ZNF169: variants seen among roughly 807,000 people sequenced by gnomAD.
ZNF169 encodes zinc finger protein 169.
Under a neutral mutation model 12.0 loss-of-function variants are expected in ZNF169, and 11 were observed. That is an observed-to-expected ratio of 0.92 (90% confidence interval 0.58 to 1.52). ZNF169 has a LOEUF of 1.52. ZNF169 is among the 40% of genes most tolerant of loss of function. The probability of loss-of-function intolerance (pLI) is 0.00; values close to 1 mark genes in which losing one functional copy is unlikely to be tolerated. For missense variants in ZNF169, 722 were observed against 744.0 expected, an observed-to-expected ratio of 0.97 and a Z score of 0.34; for synonymous variants, 302 against 286.5, an observed-to-expected ratio of 1.05 and a Z score of -0.55.
intron 2 of ZNF169, among the ~76,000 whole-genome samples, chr9:94,292,004 A>C (rs2118640874): frequency 6.6e-6 from 1 of 152,392 alleles, no homozygotes; most frequent in East Asian, 1.9e-4. Flanking sequence ...GCACAGGCAC[A>C]GGCTATTTTA....
At chr9:94,285,053 A>G (rs865979244) in intron 2 of ZNF169, among the ~76,000 whole-genome samples, 8 of 152,318 alleles carry the variant, frequency 5.3e-5, no homozygotes, top group Middle Eastern at 3.4e-3. Context: ...TCAGTGGAAT[A>G]GAATTGGCAG....
chr9:94,267,745 C>T (rs1830318934), intron 1 of ZNF169, among the ~76,000 whole-genome samples: 1 of 152,284 alleles, frequency 6.6e-6, no homozygotes, highest in African/African-American at 2.4e-5. Flanking sequence ...AACATTTTAG[C>T]TCTTCACGAG....
intron 4 of ZNF169, among the ~76,000 whole-genome samples, chr9:94,296,345 CA>C (rs1830950511): frequency 6.6e-6 from 1 of 152,114 alleles, no homozygotes; most frequent in African/African-American, 2.4e-5. Context: ...TAGTGCCTTT[CA>C]AAGAGAAATT....
chr9:94,299,897 T>C lies in ZNF169; in HGVS notation c.339T>C (p.Ser113=), dbSNP rs1306894977. 1 of 1,614,012 alleles carries C rather than the reference T, an allele frequency of 6.2e-7. No homozygotes were observed. The highest frequency in any genetic ancestry group is 1.3e-5 in the African/African-American group (1 of 74,900). Residue 113 remains serine, a synonymous_variant, in exon 5 of 5, where the codon AGT becomes AGC. Coordinates refer to ENST00000395395, the MANE Select transcript of ZNF169 (RefSeq NM_194320.4). ...SSQLLRQYAL[S]GHPTQIFPSS... is the part of the protein sequence containing the mutation. ...AGCTCCTCAGACAATATGCGCTAAG[T>C]GGCCATCCCACACAGATCTTCCCAA...
intron 1 of ZNF169, among the ~76,000 whole-genome samples, chr9:94,276,682 C>T (rs1386407637): frequency 1.3e-5 from 2 of 152,180 alleles, no homozygotes; most frequent in Non-Finnish European, 2.9e-5. Context: ...ATCCATCGCA[C>T]CAGGCCGATT....
intron 1 of ZNF169, among the ~76,000 whole-genome samples, chr9:94,268,280 CTG>C (rs1830328708): frequency 1.3e-5 from 2 of 152,082 alleles, no homozygotes; most frequent in African/African-American, 4.8e-5. Context: ...TCTGTTAACT[CTG>C]TGGTACAAAA....
intron 1 of ZNF169, among the ~76,000 whole-genome samples, chr9:94,265,789 T>G (rs1292584110): frequency 6.6e-6 from 1 of 152,142 alleles, no homozygotes; most frequent in Admixed American, 6.5e-5. Context: ...TTATCTTATC[T>G]CCTGCTAAAT....
Position 94,287,600 on chromosome 9 carries a change from G to A in ZNF169, c.34-4741G>A, listed in dbSNP as rs552857533. On this transcript the variant is annotated intron_variant, in intron 2 of 4. Coordinates refer to ENST00000395395, the MANE Select transcript of ZNF169 (RefSeq NM_194320.4). Reference sequence around the variant, plus strand: ...AGGATGGTCTTGATCTCCTGACCTCGTGATCCGCCTGCCTCAGCCTCCCAA... The same window carrying A: ...AGGATGGTCTTGATCTCCTGACCTCATGATCCGCCTGCCTCAGCCTCCCAA... 1.4e-4 allele frequency: 72 copies of A among 517,064 alleles called. No individual in the cohort carries two copies. The Middle Eastern group carries it at 2.3e-3, about 17-fold the overall frequency. The allele number at this position is 517,064 out of a possible 1,614,324, so 32.0% of individuals were successfully genotyped here.
chr9:94,291,991 AAGGCAC>A (rs1380724655), intron 2 of ZNF169, among the ~76,000 whole-genome samples: 2 of 152,386 alleles, frequency 1.3e-5, no homozygotes, highest in African/African-American at 4.8e-5. Context: ...TTTGCATAGA[AAGGCAC>A]AGGCACAGGC....
chr9:94,272,188 A>T (rs1830436216), intron 1 of ZNF169, among the ~76,000 whole-genome samples: 1 of 151,902 alleles, frequency 6.6e-6, no homozygotes, highest in South Asian at 2.1e-4. Context: ...TGATCTTGGA[A>T]ATTTGTCTTT....
chr9:94,279,101 C>T (rs79283496), intron 2 of ZNF169, among the ~76,000 whole-genome samples: 2,014 of 152,138 alleles, frequency 0.013, 48 homozygotes, highest in East Asian at 0.068. Flanking sequence ...CCAGTGACTC[C>T]GAAGGCCTAC....
At chr9:94,280,311 A>C (rs1196467755) in intron 2 of ZNF169, among the ~76,000 whole-genome samples, 1 of 152,176 alleles carries the variant, frequency 6.6e-6, no homozygotes, top group Non-Finnish European at 1.5e-5. Flanking sequence ...CCAAGGTAGC[A>C]GGAGACTTTT....
At chr9:94,260,221 AT>A in intron 1 of ZNF169, among the ~76,000 whole-genome samples, 1 of 151,676 alleles carries the variant, frequency 6.6e-6, no homozygotes, top group Non-Finnish European at 1.5e-5. Flanking sequence ...CCCGGCTAAT[AT>A]TTTGTGTTTT....
intron 4 of ZNF169, chr9:94,293,392 A>G (rs756835602): frequency 1.7e-5 from 10 of 600,136 alleles, no homozygotes; most frequent in Middle Eastern, 4.5e-4. Flanking sequence ...CTTTGAGACT[A>G]AGTCCCTGCC....
rs527615662 is a variant in ZNF169 at position 94,278,549 on chromosome 9, A to T, written c.-55-209A>T. Among the ~76,000 whole-genome samples, 9 of 152,314 alleles carry T rather than the reference A, an allele frequency of 5.9e-5. No individual in the cohort carries two copies. In the South Asian group the frequency reaches 1.7e-3, roughly 28 times the overall value. ...CTGGAAGATGGGGGCTTCATTCCCT[A>T]ACTAGAGTTTGGATGTAAGCCTGTT... On this transcript the variant is annotated intron_variant, in intron 1 of 4. Transcript: ENST00000395395.
intron 1 of ZNF169, among the ~76,000 whole-genome samples, chr9:94,263,721 A>G (rs146042354): frequency 7.2e-5 from 11 of 152,020 alleles, no homozygotes; most frequent in Non-Finnish European, 1.0e-4. Flanking sequence ...TGCGTATTTC[A>G]TGTAATTACT....
intron 2 of ZNF169, among the ~76,000 whole-genome samples, chr9:94,282,901 T>C (rs1830665583): frequency 6.6e-6 from 1 of 152,168 alleles, no homozygotes; most frequent in African/African-American, 2.4e-5. Flanking sequence ...AAATGTACTA[T>C]TCAGAAGATT....
chr9:94,284,538 A>G (rs759562157), intron 2 of ZNF169, among the ~76,000 whole-genome samples: 1 of 152,256 alleles, frequency 6.6e-6, no homozygotes, highest in Non-Finnish European at 1.5e-5. Context: ...GTTAGAGCTA[A>G]TGAATTAACC....
intron 1 of ZNF169, among the ~76,000 whole-genome samples, chr9:94,268,994 C>T (rs1163308403): frequency 6.6e-6 from 1 of 151,822 alleles, no homozygotes; most frequent in Non-Finnish European, 1.5e-5. Context: ...CAAACATACA[C>T]ACATGCACAC....
Sources: gnomAD v4.1 joint callset for allele counts (sites outside exome capture counted in the v4.1 genomes callset) on GRCh38, gnomAD v4.1.1 for gene constraint, MANE v1.5 for transcripts, NCBI Gene and HGNC (gene_info 2026-07-23, HGNC 2026-07-21) for gene names.